The following MTIF3 variants were observed in gnomAD, a reference collection of about 807,000 sequenced individuals.
The protein encoded by MTIF3 is translation initiation factor IF-3, mitochondrial.
In MTIF3, 13 loss-of-function variants were observed where a neutral mutation model predicts 20.7. The ratio of observed to expected loss-of-function variants is 0.63; its 90% confidence interval spans 0.41 to 1.00. The LOEUF (loss-of-function observed/expected upper bound fraction) is 1.00, where lower values mean the gene tolerates loss of function less well. Among genes scored for constraint, MTIF3 ranks in the 50% least tolerant of loss-of-function variants. The pLI is 0.00. For synonymous variants in MTIF3, 114 were observed against 112.5 expected, an observed-to-expected ratio of 1.01 and a Z score of -0.08; for missense variants, 295 against 324.5, an observed-to-expected ratio of 0.91 and a Z score of 0.70.
intron 2 of MTIF3, among the ~76,000 whole-genome samples, chr13:27,442,756 T>C (rs1954049058): frequency 6.6e-6 from 1 of 152,140 alleles, no homozygotes; most frequent in Non-Finnish European, 1.5e-5. Flanking sequence ...CAGCGAGCCC[T>C]TCCCTGACCC....
At chr13:27,449,048 C>CA (rs924168311) in intron 1 of MTIF3, among the ~76,000 whole-genome samples, 4 of 151,874 alleles carry the variant, frequency 2.6e-5, no homozygotes, top group African/African-American at 7.3e-5. Flanking sequence ...GTGAGACTCT[C>CA]AAAAAAAATT....
chr13:27,445,462 C>A (rs1254449204), intron 1 of MTIF3, among the ~76,000 whole-genome samples: 1 of 150,876 alleles, frequency 6.6e-6, no homozygotes, highest in African/African-American at 2.4e-5. Flanking sequence ...GACAACAGAG[C>A]AAGACCCTGT....
intron 3 of MTIF3, among the ~76,000 whole-genome samples, 165 bp downstream of exon 3, chr13:27,439,824 G>C (rs926398343): frequency 6.6e-6 from 1 of 152,218 alleles, no homozygotes; most frequent in African/African-American, 2.4e-5. Context: ...ACAGGAGTAA[G>C]TGCAGGATAA....
intron 2 of MTIF3, among the ~76,000 whole-genome samples, chr13:27,444,013 TG>T (rs1954088186): frequency 6.6e-6 from 1 of 152,122 alleles, no homozygotes; most frequent in African/African-American, 2.4e-5. Flanking sequence ...AGAAAAACAC[TG>T]GAAGTAGGGC....
In MTIF3 at chr13:27,437,115, C is replaced by A; in HGVS notation, c.618+1G>T. 1 of 1,613,098 alleles carries A rather than the reference C, an allele frequency of 6.2e-7. No individual in the cohort carries two copies. Among genetic ancestry groups the A allele is most frequent in the Non-Finnish European group, 8.5e-7 (1 of 1,179,602 alleles). ...CAGTGGCTTGTACCTTCTTTACTTA[C>A]CATTTCATTTTCTGACACGTCTACA... On this transcript the variant is annotated splice_donor_variant, in intron 4 of 4. Transcript: ENST00000381120. LOFTEE classifies it high-confidence loss of function.
rs1157836833 is a variant in MTIF3, at chr13:27,440,040, G to A, written c.409C>T (p.Leu137Phe). Reference protein sequence around the residue: ...EYQLMTGLQILQERQRLREME... With the variant: ...EYQLMTGLQIFQERQRLREME... ...TCCCTCAGCCTCTGCCGCTCCTGGA[G>A]GATCTGCAATCCTGTCATGAGCTGA... The change falls in exon 3 of 5, where the codon CTC becomes TTC. Residue 137 changes from leucine to phenylalanine, a missense_variant. Physicochemically the swap from Leu to Phe is conservative, Grantham distance 22. Transcript: ENST00000381120. 2 of 1,614,186 alleles carry A rather than the reference G, an allele frequency of 1.2e-6. No individual in the cohort carries two copies. Among genetic ancestry groups the A allele is most frequent in the Non-Finnish European group, 8.5e-7 (1 of 1,180,040 alleles).
chr13:27,441,643 T>G (rs1205495017), intron 2 of MTIF3, among the ~76,000 whole-genome samples: 1 of 152,244 alleles, frequency 6.6e-6, no homozygotes, highest in Non-Finnish European at 1.5e-5. Flanking sequence ...CTTCCATTCA[T>G]GTATTTGGTA....
chr13:27,446,551 A>G (rs1310409016), intron 1 of MTIF3, among the ~76,000 whole-genome samples: 2 of 152,250 alleles, frequency 1.3e-5, no homozygotes, highest in African/African-American at 2.4e-5. Flanking sequence ...TTAAAGAACA[A>G]ATCAATAGCC....
Position 27,435,882 on chromosome 13 carries a change from A to G in MTIF3, c.630T>C (p.Phe210=), listed in dbSNP as rs2034884532. Residue 210 remains phenylalanine, a synonymous_variant, in exon 5 of 5, where the codon TTT becomes TTC. Coordinates refer to ENST00000381120, the MANE Select transcript of MTIF3 (RefSeq NM_152912.5). Reference sequence around the variant, plus strand: ...CAGGCATAGTCTGGAGTATTTGATGAAATATCTCCTCCTAAAAAAGGGAAA... The same window carrying G: ...CAGGCATAGTCTGGAGTATTTGATGGAATATCTCCTCCTAAAAAAGGGAAA... ...DVSENEMEEI[F]HQILQTMPGI... is the part of the protein sequence containing the mutation. The G allele has an allele frequency of 6.2e-7, 1 of 1,610,868 alleles. No individual in the cohort carries two copies. Among genetic ancestry groups the G allele is most frequent in the Non-Finnish European group, 8.5e-7 (1 of 1,178,190 alleles).
At chr13:27,442,835 C>T (rs1311947335) in intron 2 of MTIF3, among the ~76,000 whole-genome samples, 1 of 152,242 alleles carries the variant, frequency 6.6e-6, no homozygotes. Flanking sequence ...TTACTGCATT[C>T]ATCACTGCTG....
chr13:27,445,640 A>G (rs1411909303), intron 1 of MTIF3, among the ~76,000 whole-genome samples: 1 of 152,238 alleles, frequency 6.6e-6, no homozygotes, highest in African/African-American at 2.4e-5. Flanking sequence ...ATCCTAAGCC[A>G]ACGTCAGACT....
In MTIF3 at chr13:27,450,525, G is replaced by C. The variant is rs974974135; in HGVS notation, c.-87C>G. 2.0e-5 allele frequency: 3 copies of C among 152,338 alleles called. No homozygotes were observed. The highest frequency in any genetic ancestry group is 4.4e-5 in the Non-Finnish European group (3 of 68,104). The allele number at this position is 152,338 out of a possible 1,614,324, so 9.4% of individuals were successfully genotyped here. ...TAGCATTACCTGTGCTGGGGCAAGCGATTGACATACTGTAGCGGACGCAAG... is the reference window on the plus strand; with the variant it reads ...TAGCATTACCTGTGCTGGGGCAAGCCATTGACATACTGTAGCGGACGCAAG... On this transcript the variant is annotated 5_prime_UTR_variant, in exon 1 of 5. The change creates a new upstream start codon in the 5' untranslated region. Coordinates refer to ENST00000381120, the MANE Select transcript of MTIF3 (RefSeq NM_152912.5).
At chr13:27,440,474 A>T in intron 2 of MTIF3, 25 bp from the exon 3 acceptor site, 1 of 1,527,668 alleles carries the variant, frequency 6.5e-7, no homozygotes, top group Non-Finnish European at 8.9e-7. Context: ...AGAAGAGTTC[A>T]TTAAAATTCA....
At chr13:27,438,482 T>G (rs994065662) in intron 3 of MTIF3, among the ~76,000 whole-genome samples, 1 of 68,524 alleles carries the variant, frequency 1.5e-5, no homozygotes, top group Non-Finnish European at 3.4e-5. Flanking sequence ...AGAGCAAGAC[T>G]GTTTTTTTTT....
At chr13:27,439,869 A>G in intron 3 of MTIF3, 120 bp downstream of exon 3, 2 of 816,288 alleles carry the variant, frequency 2.5e-6, no homozygotes, top group Non-Finnish European at 3.9e-6. Context: ...TGGTGGTTGA[A>G]TCATGAATTT....
At chr13:27,440,622 G>T (rs553899932) in intron 2 of MTIF3, 173 bp from the exon 3 acceptor site, 2 of 617,046 alleles carry the variant, frequency 3.2e-6, no homozygotes, top group East Asian at 5.5e-5. Flanking sequence ...CACTGATAAA[G>T]CGGACTAGCA....
At chr13:27,445,422 G>C (rs1954150704) in intron 1 of MTIF3, among the ~76,000 whole-genome samples, 1 of 151,864 alleles carries the variant, frequency 6.6e-6, no homozygotes, top group South Asian at 2.1e-4. Flanking sequence ...GCTGCAGTGA[G>C]CTCTGATCAC....
intron 1 of MTIF3, chr13:27,449,946 C>T (rs1954304879): frequency 6.6e-6 from 1 of 152,400 alleles, no homozygotes; most frequent in African/African-American, 2.4e-5. Context: ...AAAAAAATCC[C>T]AGTCACTTCG....
chr13:27,446,312 C>T (rs1033602274), intron 1 of MTIF3, among the ~76,000 whole-genome samples: 2 of 152,202 alleles, frequency 1.3e-5, no homozygotes, highest in African/African-American at 4.8e-5. Context: ...CCTGCCTTGG[C>T]CTCCTGAAGT....
Sources: gnomAD v4.1 joint callset for allele counts (sites outside exome capture counted in the v4.1 genomes callset) on GRCh38, gnomAD v4.1.1 for gene constraint, MANE v1.5 for transcripts, NCBI Gene and HGNC (gene_info 2026-07-23, HGNC 2026-07-21) for gene names.